ARHGAP32: variants seen among roughly 807,000 people sequenced by gnomAD.
The protein encoded by ARHGAP32 is rho GTPase-activating protein 32.
A neutral mutation model predicts 186.5 loss-of-function variants in ARHGAP32; 51 were observed. The ratio of observed to expected loss-of-function variants is 0.27; its 90% CI spans 0.22 to 0.35. ARHGAP32 has a LOEUF of 0.35. ARHGAP32 is among the 10% of genes least tolerant of loss of function. ARHGAP32 has a pLI of 1.00. For synonymous variants in ARHGAP32, 950 were observed against 964.3 expected, an observed-to-expected ratio of 0.99 and a Z score of 0.27; for missense variants, 2,186 against 2,623.5, an observed-to-expected ratio of 0.83 and a Z score of 3.64.
chr11:129,049,925 G>T (rs1341974351), intron 10 of ARHGAP32, among the ~76,000 whole-genome samples: 1 of 152,084 alleles, frequency 6.6e-6, no homozygotes, highest in African/African-American at 2.4e-5. Context: ...CTCCCTTAAC[G>T]TCATTGATGT....
chr11:129,243,734 T>C (rs1281660776), intron 1 of ARHGAP32, among the ~76,000 whole-genome samples: 1 of 152,198 alleles, frequency 6.6e-6, no homozygotes, highest in East Asian at 1.9e-4. Flanking sequence ...TCTCTGTCTT[T>C]GTTCATGTGC....
rs201033545 is a variant in ARHGAP32 at position 129,066,682 on chromosome 11, A to G, written c.669+49T>C. The stretch of plus-strand genomic sequence containing the variant: ...TTAGTATACAGACAAAAACTTCTGC[A>G]AACTCATATATAGTGATTACCTCTG... On this transcript the variant is annotated intron_variant, in intron 7 of 22. Transcript: ENST00000682385. 2.3e-5 allele frequency: 35 copies of G among 1,532,940 alleles called. No individual in the cohort carries two copies. The East Asian group carries it at 7.5e-4, about 33-fold the overall frequency. 95.0% of individuals were successfully genotyped at this position (1,532,940 alleles called of 1,614,324 possible). A position where few individuals can be genotyped will look rare whatever the true frequency, so the allele number is the denominator to read the frequency against.
At chr11:129,173,982 G>A (rs553994203) in intron 1 of ARHGAP32, among the ~76,000 whole-genome samples, 27 of 152,372 alleles carry the variant, frequency 1.8e-4, no homozygotes, top group African/African-American at 5.5e-4. Flanking sequence ...AGCTCCCAGC[G>A]TGAGCGACGC....
chr11:128,989,515 T>TACAC (rs1555065707), intron 12 of ARHGAP32, among the ~76,000 whole-genome samples: 1,965 of 87,202 alleles, frequency 0.023, 18 homozygotes, highest in Non-Finnish European at 0.03. Flanking sequence ...TGTTTTTTAT[T>TACAC]TCACACACAC....
At chr11:129,091,267 C>T (rs1255902785) in intron 6 of ARHGAP32, among the ~76,000 whole-genome samples, 1 of 152,106 alleles carries the variant, frequency 6.6e-6, no homozygotes, top group Admixed American at 6.5e-5. Flanking sequence ...AATATTTTTA[C>T]TATCACTAAG....
chr11:129,244,998 C>G (rs1466289404), intron 1 of ARHGAP32, among the ~76,000 whole-genome samples: 20 of 143,312 alleles, frequency 1.4e-4, no homozygotes, highest in East Asian at 1.2e-3. Context: ...TACACTGTTG[C>G]TGGGACTGTA....
At position 128,969,511 on chromosome 11, in the gene ARHGAP32, T is replaced by C; in HGVS notation, c.5702A>G (p.Gln1901Arg). 6.2e-7 allele frequency: 1 copy of C among 1,614,184 alleles called. No individual in the cohort carries two copies. The highest frequency in any genetic ancestry group is 1.1e-5 in the South Asian group (1 of 91,078). The change falls in exon 23 of 23, where the codon CAG becomes CGG. Residue 1901 changes from glutamine (Q) to arginine (R), a missense_variant. Gln to Arg is a conservative substitution (Grantham distance 43). Coordinates refer to ENST00000682385, the MANE Select transcript of ARHGAP32 (RefSeq NM_001378024.1). The surrounding 1 kb of genome is among the most constrained non-coding windows in gnomAD (Gnocchi z 4.8). ...HRAHQEASHR[Q>R]FCESKNGPPY... ...GGGCCCATTCTTTGACTCACAGAACTGCCTATGGCTTGCTTCTTGGTGTGC... is the reference window on the plus strand; with the variant it reads ...GGGCCCATTCTTTGACTCACAGAACCGCCTATGGCTTGCTTCTTGGTGTGC...
chr11:129,270,247 G>A (rs900000091), intron 1 of ARHGAP32, among the ~76,000 whole-genome samples: 4 of 152,214 alleles, frequency 2.6e-5, no homozygotes, highest in African/African-American at 9.6e-5. Flanking sequence ...TTTATCCTAA[G>A]TGAAAGAAGC....
chr11:129,046,103 G>A (rs938066107), intron 10 of ARHGAP32, among the ~76,000 whole-genome samples: 3 of 151,802 alleles, frequency 2.0e-5, no homozygotes. Context: ...GTTTTCCAGC[G>A]CCCACCGTAT....
rs1470060101 is a variant in ARHGAP32 at position 128,973,063 on chromosome 11, T to C, written c.3443A>G (p.Asn1148Ser). ...TTATGDPTHS[N>S]TTESGEQHHQ... ...ATGTTGCTCCCCAGATTCAGTTGTG[T>C]TGGAATGGGTAGGATCCCCAGTAGC... Residue 1148 changes from asparagine (N) to serine (S), a missense_variant, in exon 22 of 23, where the codon AAC (asparagine) becomes AGC (serine). Physicochemically the swap from Asn to Ser is conservative, Grantham distance 46 (BLOSUM62 1). Around this residue, in one of 5 missense-constraint regions of ARHGAP32, gnomAD observed 1,502 missense variants for 1,570.0 expected, o/e 0.96. Transcript: ENST00000682385. The C allele has an allele frequency of 1.2e-6, 2 of 1,614,010 alleles. No individual in the cohort carries two copies. The highest frequency in any genetic ancestry group is 8.5e-7 in the Non-Finnish European group (1 of 1,180,028).
At chr11:129,029,980 T>C (rs563687257) in intron 11 of ARHGAP32, among the ~76,000 whole-genome samples, 1 of 152,130 alleles carries the variant, frequency 6.6e-6, no homozygotes, top group Non-Finnish European at 1.5e-5. Flanking sequence ...AATTTTCTGT[T>C]TTCCCCTGAT....
At chr11:129,065,022 T>C in intron 7 of ARHGAP32, 89 bp from the exon 8 acceptor site, 1 of 1,048,438 alleles carries the variant, frequency 9.5e-7, no homozygotes, top group South Asian at 1.5e-5. Flanking sequence ...GAAAAAAATC[T>C]ATAGATCTTT....
intron 2 of ARHGAP32, among the ~76,000 whole-genome samples, chr11:129,138,338 A>G (rs1392662449): frequency 6.6e-6 from 1 of 151,564 alleles, no homozygotes; most frequent in Non-Finnish European, 1.5e-5. Flanking sequence ...CTTAAAAAGT[A>G]GAGCATCTCT....
At chr11:129,124,568 G>A (rs1171968042) in intron 3 of ARHGAP32, among the ~76,000 whole-genome samples, 1 of 152,064 alleles carries the variant, frequency 6.6e-6, no homozygotes. Flanking sequence ...TCAAACAACT[G>A]TAAAATAACA....
At chr11:129,189,658 G>C (rs1235872082) in intron 1 of ARHGAP32, among the ~76,000 whole-genome samples, 1 of 152,162 alleles carries the variant, frequency 6.6e-6, no homozygotes, top group Non-Finnish European at 1.5e-5. Flanking sequence ...GAAAATGAAA[G>C]ATCTGTGAGT....
chr11:129,206,072 T>C (rs977693024), intron 1 of ARHGAP32, among the ~76,000 whole-genome samples: 7 of 152,308 alleles, frequency 4.6e-5, no homozygotes, highest in Middle Eastern at 3.4e-3. Context: ...ATCATTTCAT[T>C]CGTAAATAAT....
chr11:129,022,529 A>G (rs1938641397), intron 11 of ARHGAP32, among the ~76,000 whole-genome samples: 1 of 152,172 alleles, frequency 6.6e-6, no homozygotes, highest in South Asian at 2.1e-4. Context: ...TCTTGAGCAA[A>G]TTACCTATTT....
intron 1 of ARHGAP32, among the ~76,000 whole-genome samples, chr11:129,278,648 G>T (rs1380132516): frequency 1.3e-5 from 2 of 152,110 alleles, no homozygotes; most frequent in Non-Finnish European, 2.9e-5. Context: ...GGAAAGACGA[G>T]GGGGGAACTC....
chr11:129,268,457 C>T (rs971482453), intron 1 of ARHGAP32, among the ~76,000 whole-genome samples: 2 of 151,650 alleles, frequency 1.3e-5, no homozygotes, highest in African/African-American at 4.8e-5. Context: ...AAGTACCTCC[C>T]AAGGATAATG....
Sources: gnomAD v4.1 joint callset for allele counts (sites outside exome capture counted in the v4.1 genomes callset) on GRCh38, gnomAD v4.1.1 for gene constraint, gnomAD v4.1.1 regional missense constraint, Gnocchi (gnomAD v3.1) non-coding constraint, MANE v1.5 for transcripts, NCBI Gene and HGNC (gene_info 2026-07-23, HGNC 2026-07-21) for gene names.